Variants in ADGRB3 observed in about 807,000 individuals in gnomAD.
ADGRB3 encodes the protein brain-specific angiogenesis inhibitor 3.
A neutral mutation model predicts 193.4 loss-of-function variants in ADGRB3; 37 were observed. The observed-to-expected ratio is 0.19, with a 90% CI of 0.15 to 0.25. The LOEUF is 0.25. ADGRB3 is among the 10% of genes least tolerant of loss of function. ADGRB3 has a pLI of 1.00. For missense variants in ADGRB3, 1,637 were observed against 1,852.9 expected, an observed-to-expected ratio of 0.88 and a Z score of 2.14; for synonymous variants, 690 against 644.2, an observed-to-expected ratio of 1.07 and a Z score of -1.08.
Position 68,638,799 on chromosome 6 carries a change from T to C in ADGRB3, c.124T>C (p.Tyr42His). 6.2e-7 allele frequency: 1 copy of C among 1,614,170 alleles called. No individual in the cohort carries two copies. The highest frequency in any genetic ancestry group is 8.5e-7 in the Non-Finnish European group (1 of 1,180,036). The change falls in exon 3 of 32, where the codon TAT becomes CAT. Residue 42 changes from tyrosine (Y) to histidine (H), a missense_variant. By Grantham distance (83) the Tyr-to-His change is moderately conservative. Around this residue, in one of 7 missense-constraint regions of ADGRB3, gnomAD observed 365 missense variants for 409.8 expected, o/e 0.89. Transcript: ENST00000370598. ...TLVKGVIYGS[Y>H]SVSEMFPKNF... ...GGTGAAGGGAGTCATTTATGGATCG[T>C]ATTCTGTAAGTGAAATGTTTCCTAA...
chr6:68,693,744 C>T (rs76928467), intron 3 of ADGRB3, among the ~76,000 whole-genome samples: 21,590 of 151,854 alleles, frequency 0.14, 2,185 homozygotes, highest in East Asian at 0.59. Context: ...TGAGGTCTGA[C>T]TATCTATTGA....
At chr6:69,223,489 C>T (rs1429678799) in intron 17 of ADGRB3, among the ~76,000 whole-genome samples, 1 of 151,992 alleles carries the variant, frequency 6.6e-6, no homozygotes, top group Non-Finnish European at 1.5e-5. Flanking sequence ...AGCAAGCTGA[C>T]CCATGATCCC....
intron 21 of ADGRB3, among the ~76,000 whole-genome samples, chr6:69,326,010 C>T (rs1490360749): frequency 1.3e-5 from 2 of 152,014 alleles, no homozygotes; most frequent in African/African-American, 4.8e-5. Context: ...ACTACCTGAG[C>T]GCGGGTGGAC....
At chr6:68,753,107 A>T (rs1482463480) in intron 3 of ADGRB3, among the ~76,000 whole-genome samples, 1 of 152,208 alleles carries the variant, frequency 6.6e-6, no homozygotes, top group African/African-American at 2.4e-5. Flanking sequence ...GCTGCTATGG[A>T]AAAGGTACCA....
At chr6:69,362,571 A>G (rs1285416945) in intron 29 of ADGRB3, among the ~76,000 whole-genome samples, 1 of 151,976 alleles carries the variant, frequency 6.6e-6, no homozygotes, top group African/African-American at 2.4e-5. Context: ...AGAAAATTCT[A>G]GACAATAAAT....
intron 20 of ADGRB3, among the ~76,000 whole-genome samples, chr6:69,257,902 A>C (rs1766816562): frequency 1.3e-5 from 2 of 152,212 alleles, no homozygotes; most frequent in South Asian, 4.1e-4. Context: ...CAGTATCCTC[A>C]GTGCTTGTTG....
intron 29 of ADGRB3, among the ~76,000 whole-genome samples, chr6:69,364,483 T>C (rs1376526595): frequency 1.3e-5 from 2 of 152,174 alleles, no homozygotes; most frequent in Non-Finnish European, 2.9e-5. Context: ...TTATTGGATA[T>C]AAAAAGTTCA....
At chr6:69,376,945 T>G (rs886251313) in intron 30 of ADGRB3, among the ~76,000 whole-genome samples, 5 of 152,082 alleles carry the variant, frequency 3.3e-5, no homozygotes, top group Admixed American at 2.6e-4. Context: ...TTTTGCTGTT[T>G]TCAGACCCTG....
intron 3 of ADGRB3, among the ~76,000 whole-genome samples, chr6:68,864,478 CCTCT>C (rs1345560432): frequency 6.6e-6 from 1 of 151,742 alleles, no homozygotes; most frequent in Non-Finnish European, 1.5e-5. Context: ...TTTTTCTGCT[CCTCT>C]CTAAAACCTG....
chr6:68,746,584 G>A (rs1766090538), intron 3 of ADGRB3, among the ~76,000 whole-genome samples: 2 of 151,794 alleles, frequency 1.3e-5, no homozygotes, highest in Admixed American at 1.3e-4. Context: ...ATGACCCTTT[G>A]TTTTTCTCTT....
At chr6:68,964,974 G>A (rs954676959) in intron 8 of ADGRB3, among the ~76,000 whole-genome samples, 1 of 152,092 alleles carries the variant, frequency 6.6e-6, no homozygotes, top group African/African-American at 2.4e-5. Context: ...TTGACCATAG[G>A]TCCATCATCT....
chr6:69,141,369 C>G (rs1023623911), intron 17 of ADGRB3, among the ~76,000 whole-genome samples: 1 of 151,880 alleles, frequency 6.6e-6, no homozygotes, highest in African/African-American at 2.4e-5. Flanking sequence ...GTGATCCACC[C>G]GCCTCGGCCT....
chr6:69,118,007 A>C (rs1291295634), intron 17 of ADGRB3, among the ~76,000 whole-genome samples: 1 of 152,204 alleles, frequency 6.6e-6, no homozygotes, highest in South Asian at 2.1e-4. Context: ...CCAAAATCAC[A>C]AAGATAACAG....
intron 3 of ADGRB3, among the ~76,000 whole-genome samples, chr6:68,775,601 T>G (rs1231070443): frequency 6.6e-6 from 1 of 152,184 alleles, no homozygotes; most frequent in Non-Finnish European, 1.5e-5. Context: ...GAATGGTGAC[T>G]GGCCTAGGGT....
intron 15 of ADGRB3, among the ~76,000 whole-genome samples, chr6:69,056,055 T>G (rs1771538006): frequency 6.6e-6 from 1 of 152,108 alleles, no homozygotes; most frequent in Admixed American, 6.6e-5. Context: ...GGTCTCAAAC[T>G]CCTGGCCTCA....
At chr6:69,296,433 G>A (rs1016872747) in intron 20 of ADGRB3, among the ~76,000 whole-genome samples, 18 of 151,788 alleles carry the variant, frequency 1.2e-4, no homozygotes, top group African/African-American at 2.9e-4. Flanking sequence ...TGCATATTTC[G>A]GGACATGGCA....
At chr6:69,111,310 C>T (rs1238194884) in intron 17 of ADGRB3, among the ~76,000 whole-genome samples, 1 of 152,158 alleles carries the variant, frequency 6.6e-6, no homozygotes, top group Non-Finnish European at 1.5e-5. Flanking sequence ...AATATGTGAA[C>T]AAAACTGAAT....
intron 15 of ADGRB3, among the ~76,000 whole-genome samples, chr6:69,049,592 T>A (rs1053541284): frequency 6.6e-6 from 1 of 152,122 alleles, no homozygotes; most frequent in Non-Finnish European, 1.5e-5. Context: ...TGCCTTGCCT[T>A]GATACTGAAA....
rs116698881 is a variant in ADGRB3, at chr6:68,983,994, T to C, written c.1734+8654T>C. On this transcript the variant is annotated intron_variant, in intron 10 of 31. Coordinates refer to ENST00000370598, the MANE Select transcript of ADGRB3 (RefSeq NM_001704.3). The stretch of plus-strand genomic sequence containing the variant: ...CACATTCCATGTAGCGAAAATAACA[T>C]ATGGAAATACCTTGAGGTCTTTAAG... Among the ~76,000 whole-genome samples the C allele has an allele frequency of 5.9e-3, 895 of 152,118 alleles. 9 individuals are homozygous for C. Among genetic ancestry groups the C allele is most frequent in the African/African-American group, 0.02 (828 of 41,500 alleles).
Sources: allele counts gnomAD v4.1 joint callset (sites outside exome capture counted in the v4.1 genomes callset), GRCh38; gene constraint gnomAD v4.1.1; regional missense constraint gnomAD v4.1.1; transcripts MANE v1.5; gene names NCBI Gene and HGNC (gene_info 2026-07-23, HGNC 2026-07-21).